The following NECAB1 variants were observed in gnomAD, a reference collection of about 807,000 sequenced individuals.
NECAB1 encodes N-terminal EF-hand calcium-binding protein 1.
In NECAB1, 29 loss-of-function variants were observed where a neutral mutation model predicts 57.5. The ratio of observed to expected loss-of-function variants is 0.50; its 90% CI spans 0.38 to 0.69. The LOEUF (loss-of-function observed/expected upper bound fraction) is 0.69. Ranked by LOEUF, NECAB1 falls within the 30% of genes least tolerant of loss-of-function variation. The pLI, the probability that NECAB1 is intolerant of heterozygous loss-of-function variation, is 0.00. For missense variants in NECAB1, 372 were observed against 413.8 expected (o/e 0.90, Z 0.88); for synonymous variants, 142 against 147.7 (o/e 0.96, Z 0.28).
chr8:90,819,200 T>G (rs527743176), intron 2 of NECAB1, among the ~76,000 whole-genome samples: 59 of 152,162 alleles, frequency 3.9e-4, no homozygotes, highest in African/African-American at 1.4e-3. Context: ...CCATCTCTCC[T>G]TCCATATTGT....
In NECAB1 at chr8:90,956,209, T is replaced by C. The variant is rs181844281; in HGVS notation, c.*697T>C. The C allele has an allele frequency of 9.9e-5, 15 of 152,184 alleles. No homozygotes were observed. The highest frequency in any genetic ancestry group is 3.6e-4 in the African/African-American group (15 of 41,574). The allele number at this position is 152,184 out of a possible 1,614,324, so 9.4% of individuals were successfully genotyped here. A position where few individuals can be genotyped will look rare whatever the true frequency, so the allele number is the denominator to read the frequency against. ...TTATTAGCATCATAATTCTTTGTTA[T>C]GTAAGTTAAATATATCAAGAAAGAA... On this transcript the variant is annotated 3_prime_UTR_variant, in exon 13 of 13. Coordinates refer to ENST00000417640, the MANE Select transcript of NECAB1 (RefSeq NM_022351.5).
intron 2 of NECAB1, among the ~76,000 whole-genome samples, chr8:90,810,627 T>G (rs921463026): frequency 1.2e-4 from 19 of 152,230 alleles, no homozygotes; most frequent in African/African-American, 4.3e-4. Context: ...CAGTTCCCCT[T>G]TGCCTTCACT....
chr8:90,823,074 C>T (rs1328639285), intron 2 of NECAB1, among the ~76,000 whole-genome samples: 2 of 151,714 alleles, frequency 1.3e-5, no homozygotes, highest in Non-Finnish European at 2.9e-5. Flanking sequence ...ATAAAACTAC[C>T]TCATTCAAAA....
At chr8:90,916,220 A>G (rs933773002) in intron 5 of NECAB1, among the ~76,000 whole-genome samples, 1 of 152,264 alleles carries the variant, frequency 6.6e-6, no homozygotes, top group African/African-American at 2.4e-5. Context: ...TCAAATTGAG[A>G]AAGAAATGAG....
chr8:90,862,332 G>T (rs1808417582), intron 3 of NECAB1, among the ~76,000 whole-genome samples: 1 of 152,112 alleles, frequency 6.6e-6, no homozygotes, highest in Non-Finnish European at 1.5e-5. Context: ...GCTAGGTAAT[G>T]AAGTGGGAGG....
Position 90,824,697 on chromosome 8 carries a change from C to T in NECAB1, c.125-20C>T. ...TACAAAATTAAAATAATTTGTGTCT[C>T]TTTGTTCTTGCCATTTCAGATGATG... On this transcript the variant is annotated intron_variant, in intron 2 of 12. Coordinates refer to ENST00000417640, the MANE Select transcript of NECAB1 (RefSeq NM_022351.5). 1 of 1,431,878 alleles carries T rather than the reference C, an allele frequency of 7.0e-7. No individual in the cohort carries two copies. The highest frequency in any genetic ancestry group is 9.5e-7 in the Non-Finnish European group (1 of 1,051,292). The allele number at this position is 1,431,878 out of a possible 1,614,324, so 88.7% of individuals were successfully genotyped here. A position where few individuals can be genotyped will look rare whatever the true frequency, so the allele number is the denominator to read the frequency against.
At position 90,958,495 on chromosome 8, in the gene NECAB1, T is replaced by G. The variant is rs1811073030; in HGVS notation, c.*2983T>G. On this transcript the variant is annotated 3_prime_UTR_variant, in exon 13 of 13. Coordinates refer to ENST00000417640, the MANE Select transcript of NECAB1 (RefSeq NM_022351.5). ...ATTAAAAATTCTGCCTCCTGTTTAT[T>G]GAGAACTATGCATTGAACATTCTGA... 6.6e-6 allele frequency: 1 copy of G among 151,676 alleles called. No individual in the cohort carries two copies. Among genetic ancestry groups the G allele is most frequent in the African/African-American group, 2.4e-5 (1 of 41,386 alleles). 9.4% of individuals were successfully genotyped at this position (151,676 alleles called of 1,614,324 possible).
intron 1 of NECAB1, among the ~76,000 whole-genome samples, chr8:90,799,450 C>T (rs190175382): frequency 4.0e-4 from 61 of 152,072 alleles, no homozygotes; most frequent in South Asian, 2.1e-3. Flanking sequence ...GGTCTTATAT[C>T]GAAATTTTTA....
At chr8:90,792,934 C>T (rs1189407148) in intron 1 of NECAB1, among the ~76,000 whole-genome samples, 1 of 152,044 alleles carries the variant, frequency 6.6e-6, no homozygotes, top group East Asian at 1.9e-4. Flanking sequence ...ATGCTGTTGC[C>T]GGAGGTCGTG....
chr8:90,851,987 A>C (rs1442480798), intron 3 of NECAB1, among the ~76,000 whole-genome samples: 1 of 152,102 alleles, frequency 6.6e-6, no homozygotes, highest in Admixed American at 6.5e-5. Context: ...CTTCCCCAGT[A>C]CACAGGCTCC....
intron 5 of NECAB1, among the ~76,000 whole-genome samples, chr8:90,893,754 G>A (rs1316452638): frequency 6.6e-6 from 1 of 152,142 alleles, no homozygotes; most frequent in East Asian, 1.9e-4. Context: ...TGGGCCAGAT[G>A]GAATTTATGG....
chr8:90,889,820 A>G (rs1458926922), intron 5 of NECAB1, among the ~76,000 whole-genome samples: 1 of 152,242 alleles, frequency 6.6e-6, no homozygotes, highest in Non-Finnish European at 1.5e-5. Context: ...CTAAGTGGGC[A>G]GATCACTTCT....
intron 3 of NECAB1, among the ~76,000 whole-genome samples, chr8:90,867,447 C>T (rs1364234126): frequency 6.6e-6 from 1 of 152,158 alleles, no homozygotes; most frequent in Non-Finnish European, 1.5e-5. Flanking sequence ...AAAATGTTTT[C>T]AATGATGCTA....
At chr8:90,854,737 G>A (rs1250790547) in intron 3 of NECAB1, among the ~76,000 whole-genome samples, 3 of 152,204 alleles carry the variant, frequency 2.0e-5, no homozygotes, top group African/African-American at 7.2e-5. Context: ...AACAATAGCA[G>A]TCACTGTTTC....
intron 11 of NECAB1, among the ~76,000 whole-genome samples, chr8:90,950,676 T>C (rs935949445): frequency 6.6e-6 from 1 of 152,148 alleles, no homozygotes; most frequent in Non-Finnish European, 1.5e-5. Flanking sequence ...GAAGGCAAAA[T>C]GACACCAACA....
intron 2 of NECAB1, among the ~76,000 whole-genome samples, chr8:90,822,857 T>G (rs1266036826): frequency 2.1e-5 from 3 of 144,370 alleles, no homozygotes; most frequent in Non-Finnish European, 4.5e-5. Flanking sequence ...TGTTTTTTCT[T>G]TTTTCTTTAT....
chr8:90,819,328 T>G (rs73692708), intron 2 of NECAB1, among the ~76,000 whole-genome samples: 2,382 of 152,136 alleles, frequency 0.016, 56 homozygotes, highest in African/African-American at 0.053. Context: ...CTCTTCAGAC[T>G]GTGCTTTTCC....
In NECAB1 at chr8:90,945,710, C is replaced by T. The variant is rs146716477; in HGVS notation, c.861-4097C>T. ...TTTCCTCATTTAAAATCTTTAATCCCACCTGTTCCTGAGCCACATCCATTT... is the reference window on the plus strand; with the variant it reads ...TTTCCTCATTTAAAATCTTTAATCCTACCTGTTCCTGAGCCACATCCATTT... On this transcript the variant is annotated intron_variant, in intron 10 of 12. Coordinates refer to ENST00000417640, the MANE Select transcript of NECAB1 (RefSeq NM_022351.5). 1.9e-3 allele frequency among the ~76,000 whole-genome samples: 291 copies of T among 152,216 alleles called. 1 individual carries two copies. Among genetic ancestry groups the T allele is most frequent in the African/African-American group, 6.7e-3 (279 of 41,526 alleles).
chr8:90,947,335 C>CAG (rs1387580770), intron 10 of NECAB1, among the ~76,000 whole-genome samples: 2 of 148,944 alleles, frequency 1.3e-5, no homozygotes, highest in African/African-American at 5.0e-5. Flanking sequence ...CACACACACA[C>CAG]ACACACACAC....
Sources: gnomAD v4.1 joint callset for allele counts (sites outside exome capture counted in the v4.1 genomes callset) on GRCh38, gnomAD v4.1.1 for gene constraint, MANE v1.5 for transcripts, NCBI Gene and HGNC (gene_info 2026-07-23, HGNC 2026-07-21) for gene names.